CEP152: variants seen among roughly 807,000 people sequenced by gnomAD.
CEP152 encodes the protein centrosomal protein 152, also known as centrosomal protein of 152 kDa.
Under a neutral mutation model 188.9 loss-of-function variants are expected in CEP152, and 132 were observed. That is an observed-to-expected ratio of 0.70 (90% confidence interval 0.61 to 0.81). CEP152 has a LOEUF of 0.81. Among genes scored for constraint, CEP152 ranks in the 30% least tolerant of loss-of-function variants. CEP152 has a pLI of 0.00. For missense variants in CEP152, 1,914 were observed against 1,969.8 expected (o/e 0.97, Z 0.54); for synonymous variants, 649 against 666.6 (o/e 0.97, Z 0.41).
chr15:48,796,272 A>C (rs1167176636), intron 5 of CEP152, 112 bp from the exon 6 acceptor site: 2 of 1,069,556 alleles, frequency 1.9e-6, no homozygotes, highest in Admixed American at 3.8e-5. Flanking sequence ...GGTACAGTTC[A>C]AAGTTGTTTA....
downstream of CEP152, among the ~76,000 whole-genome samples, chr15:48,736,208 C>A (rs1448719284): frequency 6.6e-6 from 1 of 152,120 alleles, no homozygotes; most frequent in Non-Finnish European, 1.5e-5. Context: ...AAACTCCATC[C>A]AATATATAAA....
At chr15:48,794,783 C>T (rs1897189760) in intron 6 of CEP152, among the ~76,000 whole-genome samples, 1 of 152,152 alleles carries the variant, frequency 6.6e-6, no homozygotes, top group Non-Finnish European at 1.5e-5. Context: ...AACCTAAAAC[C>T]AGTTATGTCA....
At chr15:48,789,891 C>A (rs1056923515) in intron 8 of CEP152, among the ~76,000 whole-genome samples, 6 of 152,216 alleles carry the variant, frequency 3.9e-5, no homozygotes, top group African/African-American at 1.4e-4. Context: ...ACCTCCAGAA[C>A]TGTGAGATAA....
intron 13 of CEP152, among the ~76,000 whole-genome samples, chr15:48,771,182 T>C (rs1895506875): frequency 6.6e-6 from 1 of 152,220 alleles, no homozygotes; most frequent in African/African-American, 2.4e-5. Flanking sequence ...TAAAGATCTC[T>C]GTGATAGCAT....
chr15:48,759,901 G>A (rs1894553733), intron 19 of CEP152, among the ~76,000 whole-genome samples: 1 of 152,174 alleles, frequency 6.6e-6, no homozygotes, highest in African/African-American at 2.4e-5. Context: ...GGGCAAGATA[G>A]AATGGGAGTT....
intron 20 of CEP152, among the ~76,000 whole-genome samples, chr15:48,754,494 T>G (rs1894115082): frequency 6.6e-6 from 1 of 152,162 alleles, no homozygotes; most frequent in African/African-American, 2.4e-5. Flanking sequence ...TTTAATTATA[T>G]GTTTTCTCCA....
intron 9 of CEP152, among the ~76,000 whole-genome samples, chr15:48,788,587 C>T (rs1050995155): frequency 6.6e-6 from 1 of 151,790 alleles, no homozygotes; most frequent in Non-Finnish European, 1.5e-5. Flanking sequence ...TCAGGTGATC[C>T]GCCTGCCTTG....
In CEP152 at chr15:48,797,972, C is replaced by A. The variant is rs1322163466; in HGVS notation, c.167G>T (p.Cys56Phe). 8.7e-6 allele frequency: 14 copies of A among 1,614,028 alleles called. No homozygotes were observed. The highest frequency in any genetic ancestry group is 1.2e-5 in the Non-Finnish European group (14 of 1,179,942). Residue 56 changes from cysteine to phenylalanine, a missense_variant, in exon 3 of 27, where the codon TGC (cysteine) becomes TTC (phenylalanine). By Grantham distance (205) the Cys-to-Phe change is radical. Transcript: ENST00000380950. ...LSSPELQYSD[C>F]SEDGTDGQPH... ...CTGTCCGTCTGTGCCATCCTCGCTGCAGTCCGAATACTGGAGCTCTGGAGA... is the reference window on the plus strand; with the variant it reads ...CTGTCCGTCTGTGCCATCCTCGCTGAAGTCCGAATACTGGAGCTCTGGAGA...
chr15:48,784,262 G>T, intron 9 of CEP152, 142 bp from the exon 10 acceptor site: 1 of 779,444 alleles, frequency 1.3e-6, no homozygotes, highest in Non-Finnish European at 2.0e-6. Flanking sequence ...AAGGTAAAGT[G>T]CACAGAACTG....
chr15:48,767,277 T>C (rs533711767), intron 16 of CEP152, 58 bp downstream of exon 16: 45 of 1,613,908 alleles, frequency 2.8e-5, no homozygotes, highest in Non-Finnish European at 3.6e-5. Flanking sequence ...CTCTAAATTA[T>C]GGAATAGGGG....
intron 2 of CEP152, among the ~76,000 whole-genome samples, chr15:48,803,250 CT>C (rs942629320): frequency 2.0e-5 from 3 of 152,152 alleles, no homozygotes; most frequent in Admixed American, 6.6e-5. Context: ...GATAAAACAG[CT>C]TTTTTTCTTT....
At chr15:48,762,807 T>C (rs555705415) in intron 17 of CEP152, 135 bp from the exon 18 acceptor site, 120 of 849,036 alleles carry the variant, frequency 1.4e-4, no homozygotes, top group Middle Eastern at 3.4e-4. Context: ...TTATAAAAGG[T>C]TTAGAAATTT....
chr15:48,782,321 A>C, intron 10 of CEP152, 91 bp from the exon 11 acceptor site: 1 of 1,086,494 alleles, frequency 9.2e-7, no homozygotes, highest in Non-Finnish European at 1.4e-6. Context: ...CTGAGGCTAC[A>C]GAAAGTAAAG....
chr15:48,735,073 A>G (rs541691146), downstream of CEP152, among the ~76,000 whole-genome samples: 1 of 152,356 alleles, frequency 6.6e-6, no homozygotes, highest in Non-Finnish European at 1.5e-5. Flanking sequence ...CATTCTTTTC[A>G]GGTGCATGTG....
intron 9 of CEP152, among the ~76,000 whole-genome samples, chr15:48,788,014 T>C (rs1469294): frequency 1 from 152,301 of 152,336 alleles, 76,133 homozygotes; most frequent in Middle Eastern, 1. Flanking sequence ...ATTTACTCTC[T>C]TCCCAAGAAT....
chr15:48,741,298 T>A, intron 26 of CEP152: 1 of 1,190,916 alleles, frequency 8.4e-7, no homozygotes, highest in Non-Finnish European at 1.1e-6. Context: ...CCTGGCCCAC[T>A]GCAACTTTTT....
intron 2 of CEP152, among the ~76,000 whole-genome samples, chr15:48,805,097 C>T (rs1897892534): frequency 6.6e-6 from 1 of 152,188 alleles, no homozygotes; most frequent in African/African-American, 2.4e-5. Context: ...CTATCAATTG[C>T]TTTCATAGCA....
intron 1 of CEP152, among the ~76,000 whole-genome samples, chr15:48,807,757 C>A (rs1446110263): frequency 6.6e-6 from 1 of 152,034 alleles, no homozygotes; most frequent in African/African-American, 2.4e-5. Context: ...GGTTTGTTCC[C>A]ATCCTTTATT....
intron 19 of CEP152, among the ~76,000 whole-genome samples, chr15:48,756,815 T>C (rs1376466952): frequency 6.6e-6 from 1 of 152,128 alleles, no homozygotes; most frequent in East Asian, 1.9e-4. Flanking sequence ...CCAAAACTAA[T>C]GTGAGAAAAA....
Sources: gnomAD v4.1 joint callset for allele counts (sites outside exome capture counted in the v4.1 genomes callset) on GRCh38, gnomAD v4.1.1 for gene constraint, MANE v1.5 for transcripts, NCBI Gene and HGNC (gene_info 2026-07-23, HGNC 2026-07-21) for gene names.